The following TAOK2 variants were observed in gnomAD, a reference collection of about 807,000 sequenced individuals.
TAOK2 encodes TAO kinase 2, also known as serine/threonine-protein kinase TAO2.
Under a neutral mutation model 122.5 loss-of-function variants are expected in TAOK2, and 42 were observed. That is an observed-to-expected ratio of 0.34 (90% CI 0.27 to 0.44). The LOEUF is 0.44. Ranked by LOEUF, TAOK2 falls within the 20% of genes least tolerant of loss-of-function variation. The pLI is 1.00. For missense variants in TAOK2, 1,264 were observed against 1,644.9 expected (o/e 0.77, Z 4.01); for synonymous variants, 704 against 677.6 (o/e 1.04, Z -0.61).
downstream of TAOK2, chr16:29,991,308 C>A: frequency 6.2e-7 from 1 of 1,611,006 alleles, no homozygotes; most frequent in Non-Finnish European, 8.5e-7. This position sits in a 1 kb window ranked among gnomAD's most constrained non-coding sequence, Gnocchi z 5.6. Flanking sequence ...AGGCATGCCC[C>A]CTCCAGCCTG....
At position 29,983,272 on chromosome 16, in the gene TAOK2, C is replaced by T. The variant is rs201815164; in HGVS notation, c.1200C>T (p.Ala400=). The T allele has an allele frequency of 6.2e-7, 1 of 1,606,558 alleles. No homozygotes were observed. Among genetic ancestry groups the T allele is most frequent in the Non-Finnish European group, 8.5e-7 (1 of 1,179,854 alleles). Reference sequence around the variant, plus strand: ...AAGGCCCTGAAGCCCGGGAGATGGCCATGATGCAGGAGGGGGAGCACACAG... The same window carrying T: ...AAGGCCCTGAAGCCCGGGAGATGGCTATGATGCAGGAGGGGGAGCACACAG... ...EEEGPEAREM[A]MMQEGEHTVT... is the part of the protein sequence containing the mutation. Residue 400 remains alanine (A), a synonymous_variant, in exon 12 of 16, where the codon GCC becomes GCT. Coordinates refer to ENST00000308893, the MANE Select transcript of TAOK2 (RefSeq NM_016151.4).
Position 29,986,365 on chromosome 16 carries a change from T to C in TAOK2, c.2093T>C (p.Val698Ala). The change falls in exon 16 of 16, where the codon GTG becomes GCG. Residue 698 changes from valine to alanine, a missense_variant. By Grantham distance (64) the Val-to-Ala change is moderately conservative. This residue lies in a region of TAOK2 where 824 missense variants were observed against 908.7 expected (regional missense o/e 0.91). Coordinates refer to ENST00000308893, the MANE Select transcript of TAOK2 (RefSeq NM_016151.4). This position sits in a 1 kb window ranked among gnomAD's most constrained non-coding sequence, Gnocchi z 4.2. ...RELELRQLQA[V>A]QRTRAELTRL... is the part of the protein sequence containing the mutation. ...CTGGAGCTGCGGCAGCTCCAGGCCG[T>C]GCAGCGCACGCGGGCTGAGCTCACC... The C allele has an allele frequency of 6.2e-7, 1 of 1,604,028 alleles. No homozygotes were observed. The highest frequency in any genetic ancestry group is 8.5e-7 in the Non-Finnish European group (1 of 1,174,216).
chr16:29,978,045 G>A (rs779825545), intron 2 of TAOK2, 44 bp from the exon 3 acceptor site: 13 of 1,612,884 alleles, frequency 8.1e-6, no homozygotes, highest in South Asian at 2.2e-5. Context: ...TCCCATGCCC[G>A]GCTCTCAATG....
At position 29,987,398 on chromosome 16, in the gene TAOK2, C is replaced by T. The variant is rs140313424; in HGVS notation, c.3126C>T (p.Pro1042=). The T allele has an allele frequency of 3.1e-6, 5 of 1,606,974 alleles. No homozygotes were observed. In the Admixed American group the frequency reaches 5.0e-5, roughly 16 times the overall value. Residue 1042 remains proline (P), a synonymous_variant, in exon 16 of 16, where the codon CCC becomes CCT. Coordinates refer to ENST00000308893, the MANE Select transcript of TAOK2 (RefSeq NM_016151.4). ...GGCGCCGAGGCCTCATGGGTGTTCC[C>T]CTGGGCCTTGGAGCTGCCTGGCTCT... is the stretch of plus-strand genomic sequence containing the variant. ...LSWRRGLMGV[P]LGLGAAWLLA...
Position 29,988,120 on chromosome 16 carries a change from G to A in TAOK2, c.*140G>A, listed in dbSNP as rs2069873524. On this transcript the variant is annotated 3_prime_UTR_variant, in exon 16 of 16. Coordinates refer to ENST00000308893, the MANE Select transcript of TAOK2 (RefSeq NM_016151.4). ...TCACTTACCCCAGGCCCAGCCCTTC[G>A]GACCTCTAGACAGGCAGCCTCCTCA... is the stretch of plus-strand genomic sequence containing the variant. 8 of 1,433,116 alleles carry A rather than the reference G, an allele frequency of 5.6e-6. No homozygotes were observed. Among genetic ancestry groups the A allele is most frequent in the Non-Finnish European group, 7.3e-6 (8 of 1,098,600 alleles). 88.8% of individuals were successfully genotyped at this position (1,433,116 alleles called of 1,614,324 possible).
At chr16:29,989,725 A>C (rs1410217337), downstream of TAOK2, 1 of 1,614,042 alleles carries the variant, frequency 6.2e-7, no homozygotes, top group Non-Finnish European at 8.5e-7. Context: ...TAAGCGGCTC[A>C]AGGAAGAGCA....
chr16:29,989,401 A>G (rs898893942), downstream of TAOK2: 1 of 983,278 alleles, frequency 1.0e-6, no homozygotes, highest in South Asian at 4.7e-5. Flanking sequence ...GTCTGTCTGT[A>G]TACAGCTCCC....
Position 29,979,193 on chromosome 16 carries a change from A to G in TAOK2, c.450-2A>G. 6.2e-7 allele frequency: 1 copy of G among 1,614,180 alleles called. No individual in the cohort carries two copies. The highest frequency in any genetic ancestry group is 8.5e-7 in the Non-Finnish European group (1 of 1,180,022). On this transcript the variant is annotated splice_acceptor_variant, in intron 6 of 15. Transcript: ENST00000308893. LOFTEE classifies it high-confidence loss of function. The surrounding 1 kb of genome is among the most constrained non-coding windows in gnomAD (Gnocchi z 4.1). ...CTCATCCCTGTACTTTGCCTCTGGC[A>G]GGGATGTGAAGGCTGGAAACATCCT...
In TAOK2 at chr16:29,987,892, C is replaced by T. The variant is rs373807941; in HGVS notation, c.3620C>T (p.Pro1207Leu). ...CCACGCAGCCAGCGCCAGCTAGGGC[C>T]CCCTGCCTCCCGCCAGCCACTGCCA... is the stretch of plus-strand genomic sequence containing the variant. ...LLPRSQRQLGPPASRQPLPGT... is the reference protein window; with the variant it reads ...LLPRSQRQLGLPASRQPLPGT... The change falls in exon 16 of 16, where the codon CCC becomes CTC. Residue 1207 changes from proline to leucine, a missense_variant. Transcript: ENST00000308893. 107 of 1,594,662 alleles carry T rather than the reference C, an allele frequency of 6.7e-5. No individual in the cohort carries two copies. The African/African-American group carries it at 1.2e-3, about 18-fold the overall frequency.
chr16:29,975,689 G>A (rs1237398630), intron 1 of TAOK2, among the ~76,000 whole-genome samples: 2 of 152,176 alleles, frequency 1.3e-5, no homozygotes, highest in Non-Finnish European at 2.9e-5. Context: ...ACAAATGGTA[G>A]CACTAGTGGC....
Position 29,983,555 on chromosome 16 carries a change from C to G in TAOK2, c.1313C>G (p.Pro438Arg), listed in dbSNP as rs1224955381. 1 of 1,613,942 alleles carries G rather than the reference C, an allele frequency of 6.2e-7. No individual in the cohort carries two copies. Among genetic ancestry groups the G allele is most frequent in the South Asian group, 1.1e-5 (1 of 91,084 alleles). ...DPYQPEITPSPLQPPAAPAPT... is the reference protein window; with the variant it reads ...DPYQPEITPSRLQPPAAPAPT... ...TACCAGCCAGAGATAACCCCCAGCC[C>G]TCTCCAGCCGCCTGCAGCCCCAGCT... The change falls in exon 13 of 16, where the codon CCT becomes CGT. Residue 438 changes from proline to arginine, a missense_variant. Coordinates refer to ENST00000308893, the MANE Select transcript of TAOK2 (RefSeq NM_016151.4).
At chr16:29,988,630 C>G (rs1384806365), downstream of TAOK2, 3 of 985,334 alleles carry the variant, frequency 3.0e-6, no homozygotes, top group African/African-American at 5.2e-5. Context: ...CTTGGTCCCA[C>G]AGAGCGCCTG....
At position 29,987,466 on chromosome 16, in the gene TAOK2, C is replaced by T. The variant is rs774325942; in HGVS notation, c.3194C>T (p.Ala1065Val). The T allele has an allele frequency of 4.0e-5, 63 of 1,591,772 alleles. No individual in the cohort carries two copies. The East Asian group carries it at 1.3e-3, about 32-fold the overall frequency. The change falls in exon 16 of 16, where the codon GCG (alanine) becomes GTG (valine). Residue 1065 changes from alanine to valine, a missense_variant. This residue lies in a region of TAOK2 where 824 missense variants were observed against 908.7 expected (regional missense o/e 0.91). Transcript: ENST00000308893. ...GLALPLVAMAAGGRWVRQQGP... is the reference protein window; with the variant it reads ...GLALPLVAMAVGGRWVRQQGP... Reference sequence around the variant, plus strand: ...GCTCTACCTCTGGTGGCTATGGCAGCGGGGGGCAGATGGGTGCGGCAGCAG... The same window carrying T: ...GCTCTACCTCTGGTGGCTATGGCAGTGGGGGGCAGATGGGTGCGGCAGCAG...
intron 1 of TAOK2, among the ~76,000 whole-genome samples, chr16:29,977,309 G>A (rs1214328657): frequency 6.6e-6 from 1 of 152,184 alleles, no homozygotes; most frequent in Non-Finnish European, 1.5e-5. Context: ...AGGGAGGAGG[G>A]GGCCTCAGCG....
At chr16:29,991,773 GGA>G (rs1159966345), downstream of TAOK2, 4 of 539,986 alleles carry the variant, frequency 7.4e-6, no homozygotes, top group Admixed American at 1.7e-4. The surrounding 1 kb of genome is among the most constrained non-coding windows in gnomAD (Gnocchi z 5.6). Context: ...AGGCTGCCTG[GGA>G]GCCCCGCCTC....
At chr16:29,982,047 G>A (rs2069634216) in intron 10 of TAOK2, 107 bp downstream of exon 10, 6 of 919,614 alleles carry the variant, frequency 6.5e-6, no homozygotes, top group South Asian at 2.9e-5. Flanking sequence ...CAAGAGCTTC[G>A]TTGATGAATT....
downstream of TAOK2, chr16:29,988,881 G>C (rs2069897308): frequency 1.0e-6 from 1 of 985,250 alleles, no homozygotes; most frequent in African/African-American, 1.7e-5. Flanking sequence ...GGAGCTGAGT[G>C]TGTGAGGGGC....
chr16:29,989,075 T>A, downstream of TAOK2: 1 of 985,432 alleles, frequency 1.0e-6, no homozygotes, highest in Non-Finnish European at 1.2e-6. Flanking sequence ...CTGCTGGACC[T>A]GGGACTTCCT....
In TAOK2 at chr16:29,986,971, A is replaced by C. The variant is rs750389837; in HGVS notation, c.2699A>C (p.Glu900Ala). Residue 900 changes from glutamate (E) to alanine (A), a missense_variant, in exon 16 of 16, where the codon GAG becomes GCG. By Grantham distance (107) the Glu-to-Ala change is moderately radical. This residue lies in a region of TAOK2 where 824 missense variants were observed against 908.7 expected (regional missense o/e 0.91). Coordinates refer to ENST00000308893, the MANE Select transcript of TAOK2 (RefSeq NM_016151.4). This position sits in a 1 kb window ranked among gnomAD's most constrained non-coding sequence, Gnocchi z 4.2. ...VQGPALTPVP[E>A]EEEEEEEGAP... ...GGCCCAGCACTGACTCCCGTCCCTG[A>C]GGAGGAGGAAGAAGAGGAAGAGGGG... is the stretch of plus-strand genomic sequence containing the variant. 1 of 1,613,618 alleles carries C rather than the reference A, an allele frequency of 6.2e-7. No individual in the cohort carries two copies. The highest frequency in any genetic ancestry group is 8.5e-7 in the Non-Finnish European group (1 of 1,179,706).
Sources: allele counts gnomAD v4.1 joint callset (sites outside exome capture counted in the v4.1 genomes callset), GRCh38; gene constraint gnomAD v4.1.1; regional missense constraint gnomAD v4.1.1; non-coding constraint Gnocchi (gnomAD v3.1); transcripts MANE v1.5; gene names NCBI Gene and HGNC (gene_info 2026-07-23, HGNC 2026-07-21).